The following ERC1 variants were observed in gnomAD, a reference collection of about 807,000 sequenced individuals.
ERC1 encodes RAB6 interacting protein 2.
Under a neutral mutation model 132.0 loss-of-function variants are expected in ERC1, and 56 were observed. That is an observed-to-expected ratio of 0.42 (90% CI 0.34 to 0.53). The LOEUF (loss-of-function observed/expected upper bound fraction) is 0.53. Ranked by LOEUF, ERC1 falls within the 20% of genes least tolerant of loss-of-function variation. The pLI, the probability that ERC1 is intolerant of heterozygous loss-of-function variation, is 0.03. For synonymous variants in ERC1, 478 were observed against 476.1 expected (o/e 1.00, Z -0.05); for missense variants, 1,202 against 1,349.9 (o/e 0.89, Z 1.72).
At position 1,263,141 on chromosome 12, in the gene ERC1, A is replaced by G. The variant is rs757195066; in HGVS notation, c.2595A>G (p.Ser865=). Residue 865 remains serine (S), a synonymous_variant, in exon 14 of 19, where the codon TCA becomes TCG. Transcript: ENST00000360905. ...AAATGGTGCTAGCACAAGAGGAATCAGCCAGGACCAATGCTGAAAAACAGG... is the reference window on the plus strand; with the variant it reads ...AAATGGTGCTAGCACAAGAGGAATCGGCCAGGACCAATGCTGAAAAACAGG... ...EREMVLAQEE[S]ARTNAEKQVE... The G allele has an allele frequency of 5.0e-6, 8 of 1,613,978 alleles. No individual in the cohort carries two copies. Among genetic ancestry groups the G allele is most frequent in the Non-Finnish European group, 5.9e-6 (7 of 1,179,984 alleles).
At chr12:1,293,330 G>A (rs1566506113) in intron 15 of ERC1, among the ~76,000 whole-genome samples, 1 of 149,034 alleles carries the variant, frequency 6.7e-6, no homozygotes, top group African/African-American at 2.5e-5. Flanking sequence ...GCGGGCGCCT[G>A]TAGTCCCAGC....
intron 7 of ERC1, 42 bp downstream of exon 7, chr12:1,116,075 C>T (rs750769507): frequency 1.3e-6 from 2 of 1,566,292 alleles, no homozygotes; most frequent in South Asian, 1.2e-5. Flanking sequence ...GGTTTCTTGG[C>T]ACCTTTTCAT....
At chr12:1,335,263 T>C (rs2083218007) in intron 15 of ERC1, among the ~76,000 whole-genome samples, 1 of 152,196 alleles carries the variant, frequency 6.6e-6, no homozygotes. Flanking sequence ...TTCAATACTA[T>C]GTTGAATAGG....
At chr12:1,267,244 C>T (rs772908013) in intron 14 of ERC1, among the ~76,000 whole-genome samples, 30 of 152,204 alleles carry the variant, frequency 2.0e-4, no homozygotes, top group Non-Finnish European at 3.4e-4. Context: ...TTTACTTTTG[C>T]TTTGTCCCTT....
intron 18 of ERC1, among the ~76,000 whole-genome samples, chr12:1,464,511 CTTTTTTTTTTTTT>C (rs34542821): frequency 1.5e-5 from 1 of 67,398 alleles, no homozygotes; most frequent in African/African-American, 5.6e-5. Flanking sequence ...ATGCAAAAGC[CTTTTTTTTTTTTT>C]TTTTTTTTTT....
intron 16 of ERC1, among the ~76,000 whole-genome samples, chr12:1,374,927 C>A (rs2087710622): frequency 6.7e-6 from 1 of 149,560 alleles, no homozygotes; most frequent in South Asian, 2.2e-4. Context: ...TAGATAATCT[C>A]ATTTACAACT....
chr12:1,192,474 G>T (rs891159862), intron 12 of ERC1, among the ~76,000 whole-genome samples: 2 of 152,094 alleles, frequency 1.3e-5, no homozygotes, highest in Admixed American at 6.6e-5. Flanking sequence ...GCCTGTGTCT[G>T]TCTCCCTATA....
intron 7 of ERC1, among the ~76,000 whole-genome samples, chr12:1,116,824 G>A (rs1031886447): frequency 1.1e-4 from 16 of 151,982 alleles, no homozygotes; most frequent in East Asian, 1.9e-4. Flanking sequence ...CTCTTGATCC[G>A]CCCGCCTCTG....
intron 3 of ERC1, among the ~76,000 whole-genome samples, chr12:1,092,655 A>C (rs1454103816): frequency 2.0e-5 from 3 of 152,234 alleles, no homozygotes; most frequent in African/African-American, 7.2e-5. Context: ...TAACTCTTGC[A>C]ATCAGTATTA....
intron 7 of ERC1, among the ~76,000 whole-genome samples, chr12:1,121,180 C>G (rs960253831): frequency 6.6e-6 from 1 of 152,164 alleles, no homozygotes; most frequent in Non-Finnish European, 1.5e-5. Flanking sequence ...CTTAGAGAGA[C>G]TGAGGTTACA....
intron 2 of ERC1, among the ~76,000 whole-genome samples, chr12:1,031,640 A>G (rs1046889093): frequency 2.0e-5 from 3 of 152,216 alleles, no homozygotes; most frequent in Non-Finnish European, 4.4e-5. Context: ...TCAATTATTA[A>G]GTTGTCACTA....
chr12:1,281,014 G>GT (rs1286373042), intron 14 of ERC1, among the ~76,000 whole-genome samples: 1 of 151,900 alleles, frequency 6.6e-6, no homozygotes, highest in Non-Finnish European at 1.5e-5. Context: ...TGGCAGTTTG[G>GT]TTTTTTTCAC....
At chr12:1,232,974 G>A (rs549288952) in intron 12 of ERC1, among the ~76,000 whole-genome samples, 1 of 152,092 alleles carries the variant, frequency 6.6e-6, no homozygotes, top group South Asian at 2.1e-4. Context: ...CCCATATAGG[G>A]GAATCATGTT....
At chr12:1,339,625 A>T in intron 15 of ERC1, among the ~76,000 whole-genome samples, 1 of 152,128 alleles carries the variant, frequency 6.6e-6, no homozygotes, top group East Asian at 1.9e-4. Context: ...GCCTGCCCCC[A>T]TGTAGGCATT....
chr12:1,454,510 G>A (rs1592159805), intron 18 of ERC1, among the ~76,000 whole-genome samples: 1 of 152,290 alleles, frequency 6.6e-6, no homozygotes, highest in East Asian at 1.9e-4. Flanking sequence ...AATCTGTGAA[G>A]TCCGACACTG....
At chr12:1,190,389 A>G (rs1955596902) in intron 12 of ERC1, among the ~76,000 whole-genome samples, 1 of 152,202 alleles carries the variant, frequency 6.6e-6, no homozygotes, top group Non-Finnish European at 1.5e-5. Context: ...ATAATGATCA[A>G]ATGATCCTCA....
intron 15 of ERC1, among the ~76,000 whole-genome samples, chr12:1,355,198 C>T (rs2085406582): frequency 6.6e-6 from 1 of 152,088 alleles, no homozygotes; most frequent in Admixed American, 6.5e-5. Flanking sequence ...AGCAAATGAG[C>T]AAGGTTTTGT....
At chr12:1,332,349 C>G (rs1177165450) in intron 15 of ERC1, among the ~76,000 whole-genome samples, 1 of 152,120 alleles carries the variant, frequency 6.6e-6, no homozygotes, top group African/African-American at 2.4e-5. Context: ...AAAAAATGTT[C>G]TTCTACTTCC....
intron 2 of ERC1, among the ~76,000 whole-genome samples, chr12:1,063,770 A>G (rs576899771): frequency 3.3e-5 from 5 of 151,974 alleles, no homozygotes; most frequent in South Asian, 2.1e-4. Context: ...TGTATATCCT[A>G]TGTTCCTTTT....
Sources: gnomAD v4.1 joint callset for allele counts (sites outside exome capture counted in the v4.1 genomes callset) on GRCh38, gnomAD v4.1.1 for gene constraint, MANE v1.5 for transcripts, NCBI Gene and HGNC (gene_info 2026-07-23, HGNC 2026-07-21) for gene names.